The following DPYS variants were observed in gnomAD, a reference collection of about 807,000 sequenced individuals.
The protein encoded by DPYS is dihydropyrimidine amidohydrolase.
DPYS carries 39 observed loss-of-function variants against 50.3 expected under a neutral mutation model. That is an observed-to-expected ratio of 0.78 (90% CI 0.60 to 1.01). DPYS has a LOEUF of 1.01. Among genes scored for constraint, DPYS ranks in the 50% least tolerant of loss-of-function variants. DPYS has a pLI of 0.00. For missense variants in DPYS, 659 were observed against 680.9 expected (o/e 0.97, Z 0.36); for synonymous variants, 245 against 250.7 (o/e 0.98, Z 0.22).
intron 7 of DPYS, among the ~76,000 whole-genome samples, chr8:104,402,920 G>A (rs1588412670): frequency 3.3e-5 from 5 of 152,254 alleles, no homozygotes; most frequent in Admixed American, 3.3e-4. Context: ...TGCTAATTAG[G>A]CATAAAGGAG....
intron 6 of DPYS, among the ~76,000 whole-genome samples, chr8:104,427,097 A>T (rs1812751432): frequency 6.7e-6 from 1 of 148,852 alleles, no homozygotes; most frequent in South Asian, 2.2e-4. Context: ...GCTACTTGGG[A>T]GGCTGAGGCA....
rs1588471450 is a variant in DPYS at position 104,467,001 on chromosome 8, C to T, written c.-81G>A. ...GGCGGGCCGGGCGGGCTTGGGGTGCCCTCCTGCAAGGTCCCCACCGACAGC... is the reference window on the plus strand; with the variant it reads ...GGCGGGCCGGGCGGGCTTGGGGTGCTCTCCTGCAAGGTCCCCACCGACAGC... On this transcript the variant is annotated 5_prime_UTR_variant, in exon 1 of 10. Coordinates refer to ENST00000351513, the MANE Select transcript of DPYS (RefSeq NM_001385.3). 1 of 1,348,942 alleles carries T rather than the reference C, an allele frequency of 7.4e-7. No homozygotes were observed. Among genetic ancestry groups the T allele is most frequent in the Non-Finnish European group, 9.5e-7 (1 of 1,054,764 alleles). 83.6% of individuals were successfully genotyped at this position (1,348,942 alleles called of 1,614,324 possible).
rs80355613 is a variant in DPYS at position 104,456,568 on chromosome 8, T to G, written c.265-5164A>C. ...TATCTCCCTCTCCTCAACCCCAGAC[T>G]GGGAATGAGTTTGGAGAAGCTGTAT... On this transcript the variant is annotated intron_variant, in intron 1 of 9. Coordinates refer to ENST00000351513, the MANE Select transcript of DPYS (RefSeq NM_001385.3). Among the ~76,000 whole-genome samples, 335 of 152,316 alleles carry G rather than the reference T, an allele frequency of 2.2e-3. 1 individual carries two copies. The highest frequency in any genetic ancestry group is 7.6e-3 in the African/African-American group (314 of 41,580).
intron 8 of DPYS, among the ~76,000 whole-genome samples, chr8:104,388,932 G>A (rs1811302169): frequency 6.6e-6 from 1 of 152,210 alleles, no homozygotes; most frequent in Non-Finnish European, 1.5e-5. Flanking sequence ...TAAGGCAGGG[G>A]TAATCTGCTG....
intron 7 of DPYS, among the ~76,000 whole-genome samples, chr8:104,393,446 C>T (rs1513025): frequency 0.35 from 53,585 of 151,946 alleles, 12,376 homozygotes; most frequent in African/African-American, 0.65. Context: ...ATCCCATGCC[C>T]GTTCCTGCCT....
At chr8:104,389,385 G>A (rs964818893) in intron 8 of DPYS, among the ~76,000 whole-genome samples, 1 of 152,118 alleles carries the variant, frequency 6.6e-6, no homozygotes, top group African/African-American at 2.4e-5. Flanking sequence ...TATCCTGTAA[G>A]TTGTCTTTGC....
intron 7 of DPYS, among the ~76,000 whole-genome samples, chr8:104,412,128 G>A (rs1812203070): frequency 6.6e-6 from 1 of 152,190 alleles, no homozygotes; most frequent in African/African-American, 2.4e-5. Flanking sequence ...AAACTTAGAA[G>A]TCAACTGACT....
chr8:104,416,705 G>T (rs751880823), intron 7 of DPYS, among the ~76,000 whole-genome samples: 2 of 152,054 alleles, frequency 1.3e-5, no homozygotes, highest in Admixed American at 6.6e-5. Flanking sequence ...AGAGGAGGAG[G>T]ATTATAACGC....
chr8:104,466,237 G>A (rs1451680884), intron 1 of DPYS, among the ~76,000 whole-genome samples: 1 of 152,162 alleles, frequency 6.6e-6, no homozygotes, highest in African/African-American at 2.4e-5. Context: ...ATGGTTGGGA[G>A]AAATGGCTGG....
intron 1 of DPYS, among the ~76,000 whole-genome samples, chr8:104,454,955 C>T (rs1176429581): frequency 1.3e-5 from 2 of 152,082 alleles, no homozygotes; most frequent in Non-Finnish European, 2.9e-5. Flanking sequence ...CAATGTTTTG[C>T]ATATTTTAAC....
At chr8:104,419,886 T>G (rs1255618104) in intron 7 of DPYS, 2 of 152,182 alleles carry the variant, frequency 1.3e-5, no homozygotes, top group African/African-American at 4.8e-5. Context: ...TAGTTAATAA[T>G]AGCATATCAA....
At chr8:104,398,129 T>C (rs890485290) in intron 7 of DPYS, among the ~76,000 whole-genome samples, 6 of 152,200 alleles carry the variant, frequency 3.9e-5, no homozygotes, top group African/African-American at 1.2e-4. Flanking sequence ...AAACATGTCT[T>C]CCCAGACTTC....
intron 7 of DPYS, among the ~76,000 whole-genome samples, chr8:104,414,808 C>T (rs958170090): frequency 6.6e-6 from 1 of 152,118 alleles, no homozygotes; most frequent in Non-Finnish European, 1.5e-5. Context: ...AAATAACTGG[C>T]CAGAATTAGA....
At chr8:104,423,505 T>C (rs1459234934) in intron 7 of DPYS, among the ~76,000 whole-genome samples, 2 of 152,168 alleles carry the variant, frequency 1.3e-5, no homozygotes, top group Non-Finnish European at 2.9e-5. Context: ...CCTAACAGAC[T>C]TTGAACAAAT....
chr8:104,453,343 T>A (rs1448525838), intron 1 of DPYS, among the ~76,000 whole-genome samples: 2 of 152,228 alleles, frequency 1.3e-5, no homozygotes, highest in Non-Finnish European at 2.9e-5. Flanking sequence ...AGGCTTTGTA[T>A]TTTTATTTGA....
intron 7 of DPYS, among the ~76,000 whole-genome samples, chr8:104,412,300 C>T (rs180766357): frequency 1.3e-5 from 2 of 152,304 alleles, no homozygotes; most frequent in African/African-American, 2.4e-5. Flanking sequence ...AGAAAGAAAG[C>T]ACTAACCTCA....
At chr8:104,451,809 G>C (rs1036713112) in intron 1 of DPYS, among the ~76,000 whole-genome samples, 1 of 152,136 alleles carries the variant, frequency 6.6e-6, no homozygotes, top group African/African-American at 2.4e-5. Context: ...TAACTGCCCT[G>C]TGGTACTCTC....
At chr8:104,441,545 A>T (rs921122087) in intron 4 of DPYS, among the ~76,000 whole-genome samples, 1 of 152,228 alleles carries the variant, frequency 6.6e-6, no homozygotes, top group African/African-American at 2.4e-5. Context: ...AAAGAGGTCA[A>T]AATAATGTGA....
chr8:104,449,450 C>T (rs1317938992), intron 2 of DPYS, among the ~76,000 whole-genome samples: 1 of 152,224 alleles, frequency 6.6e-6, no homozygotes, highest in African/African-American at 2.4e-5. Context: ...GAACCAGCAT[C>T]AGCAGCGTCA....
Sources: allele counts gnomAD v4.1 joint callset (sites outside exome capture counted in the v4.1 genomes callset), GRCh38; gene constraint gnomAD v4.1.1; transcripts MANE v1.5; gene names NCBI Gene and HGNC (gene_info 2026-07-23, HGNC 2026-07-21).